The following STK39 variants were observed in gnomAD, a reference collection of about 807,000 sequenced individuals.
STK39 encodes the protein STE20/SPS1-related proline-alanine-rich protein kinase.
In STK39, 20 loss-of-function variants were observed where a neutral mutation model predicts 77.8. The ratio of observed to expected loss-of-function variants is 0.26; its 90% confidence interval spans 0.18 to 0.37. STK39 has a LOEUF of 0.37. Among genes scored for constraint, STK39 ranks in the 10% least tolerant of loss-of-function variants. STK39 has a pLI of 1.00. For missense variants in STK39, 479 were observed against 656.5 expected, an observed-to-expected ratio of 0.73 and a Z score of 2.95; for synonymous variants, 246 against 234.1, an observed-to-expected ratio of 1.05 and a Z score of -0.47.
intron 10 of STK39, among the ~76,000 whole-genome samples, chr2:168,087,149 T>C (rs1334065008): frequency 6.6e-6 from 1 of 152,102 alleles, no homozygotes; most frequent in African/African-American, 2.4e-5. Flanking sequence ...AGAAACCAAA[T>C]GTTTGGCTCC....
chr2:168,247,465 C>T lies in STK39; in HGVS notation c.-30G>A. The T allele has an allele frequency of 1.5e-6, 2 of 1,305,464 alleles. No individual in the cohort carries two copies. Among genetic ancestry groups the T allele is most frequent in the Non-Finnish European group, 2.0e-6 (2 of 1,012,934 alleles). 80.9% of individuals were successfully genotyped at this position (1,305,464 alleles called of 1,614,324 possible). On this transcript the variant is annotated 5_prime_UTR_variant, in exon 1 of 18. Transcript: ENST00000355999. ...CTGCGGAGGAGAGCAGGAGGACGCG[C>T]CGGCCGACGGACGACCTTCCACTTG...
At chr2:167,957,233 T>C (rs1691811017) in intron 17 of STK39, among the ~76,000 whole-genome samples, 1 of 152,218 alleles carries the variant, frequency 6.6e-6, no homozygotes, top group South Asian at 2.1e-4. Flanking sequence ...AAAATATTAA[T>C]CAGTATTTAA....
At chr2:168,085,664 G>A (rs1227399656) in intron 10 of STK39, among the ~76,000 whole-genome samples, 1 of 152,208 alleles carries the variant, frequency 6.6e-6, no homozygotes, top group Non-Finnish European at 1.5e-5. Flanking sequence ...GATGTAAGTT[G>A]TTGTGGCCAG....
At chr2:168,134,733 T>C (rs1687788447) in intron 8 of STK39, among the ~76,000 whole-genome samples, 1 of 152,138 alleles carries the variant, frequency 6.6e-6, no homozygotes, top group African/African-American at 2.4e-5. Flanking sequence ...TGAGCTCTCA[T>C]CGTTGACAAA....
At chr2:168,005,102 T>C (rs1684096577) in intron 16 of STK39, among the ~76,000 whole-genome samples, 1 of 146,824 alleles carries the variant, frequency 6.8e-6, no homozygotes, top group South Asian at 2.2e-4. Context: ...GCCTCCCAGG[T>C]TCAAGCAATT....
At chr2:168,241,347 C>T (rs1241599196) in intron 1 of STK39, among the ~76,000 whole-genome samples, 1 of 152,182 alleles carries the variant, frequency 6.6e-6, no homozygotes, top group African/African-American at 2.4e-5. Context: ...TCCGGGCAAA[C>T]TCAGAGGTGG....
Position 168,244,722 on chromosome 2 carries a change from T to A in STK39, c.208+2506A>T, listed in dbSNP as rs1690855199. Among the ~76,000 whole-genome samples, 3 of 152,324 alleles carry A rather than the reference T, an allele frequency of 2.0e-5. No individual in the cohort carries two copies. In the South Asian group the frequency reaches 6.2e-4, roughly 32 times the overall value. On this transcript the variant is annotated intron_variant, in intron 1 of 17. Coordinates refer to ENST00000355999, the MANE Select transcript of STK39 (RefSeq NM_013233.3). ...CTATTCCAGCAATTTGATTTTTCAA[T>A]AACAGGGCCTCCACACAGGCCAACT... is the stretch of plus-strand genomic sequence containing the variant.
At chr2:168,184,580 G>T (rs1480245460) in intron 1 of STK39, among the ~76,000 whole-genome samples, 2 of 152,164 alleles carry the variant, frequency 1.3e-5, no homozygotes, top group Non-Finnish European at 2.9e-5. Context: ...GAAGGATAGG[G>T]ATGTGTTTCC....
chr2:168,096,394 G>A (rs1284065053), intron 10 of STK39, among the ~76,000 whole-genome samples: 1 of 152,082 alleles, frequency 6.6e-6, no homozygotes, highest in African/African-American at 2.4e-5. Flanking sequence ...TGTAACACAC[G>A]GTGATAATAC....
intron 2 of STK39, among the ~76,000 whole-genome samples, chr2:168,175,500 A>G (rs896483119): frequency 1.3e-5 from 2 of 152,256 alleles, no homozygotes; most frequent in Admixed American, 1.3e-4. Context: ...AGTAAATTCA[A>G]TTAGTATATT....
rs1055581338 is a variant in STK39 at position 168,237,911 on chromosome 2, T to C, written c.208+9317A>G. 2.2e-4 allele frequency among the ~76,000 whole-genome samples: 33 copies of C among 152,124 alleles called. 1 individual carries two copies. The highest frequency in any genetic ancestry group is 4.6e-4 in the Non-Finnish European group (31 of 68,018). Reference sequence around the variant, plus strand: ...GTCTGCTGCTCCTCTTCCTTTGCTTTCTTGAGTCACCCCATAATTAAACAA... The same window carrying C: ...GTCTGCTGCTCCTCTTCCTTTGCTTCCTTGAGTCACCCCATAATTAAACAA... On this transcript the variant is annotated intron_variant, in intron 1 of 17. Coordinates refer to ENST00000355999, the MANE Select transcript of STK39 (RefSeq NM_013233.3).
At chr2:168,002,698 G>T (rs1574382588) in intron 16 of STK39, among the ~76,000 whole-genome samples, 1 of 152,180 alleles carries the variant, frequency 6.6e-6, no homozygotes, top group East Asian at 1.9e-4. Context: ...GTCAAAGCAA[G>T]AATTCTATGC....
At position 168,247,529 on chromosome 2, in the gene STK39, C is replaced by A; in HGVS notation, c.-94G>T. On this transcript the variant is annotated 5_prime_UTR_variant, in exon 1 of 18. Coordinates refer to ENST00000355999, the MANE Select transcript of STK39 (RefSeq NM_013233.3). The stretch of plus-strand genomic sequence containing the variant: ...CTCGCCGCCGACACCTCTCGGCCGG[C>A]GCACGCCCTCCCCGCCCGCCGCCGC... 1.1e-6 allele frequency: 1 copy of A among 911,974 alleles called. No individual in the cohort carries two copies. The highest frequency in any genetic ancestry group is 1.3e-6 in the Non-Finnish European group (1 of 752,912). The allele number at this position is 911,974 out of a possible 1,614,324, so 56.5% of individuals were successfully genotyped here. A position where few individuals can be genotyped will look rare whatever the true frequency, so the allele number is the denominator to read the frequency against.
rs535737760 is a variant in STK39, at chr2:168,029,992, G to C, written c.1377-12897C>G. Among the ~76,000 whole-genome samples the C allele has an allele frequency of 2.7e-3, 417 of 152,266 alleles. 2 individuals are homozygous for C. Among genetic ancestry groups the C allele is most frequent in the African/African-American group, 9.4e-3 (391 of 41,548 alleles). ...GCGGTGGCTCATGCCTGTAATCCAAGCACTTTGGGAGGCCGAGGTGGGCGG... is the reference window on the plus strand; with the variant it reads ...GCGGTGGCTCATGCCTGTAATCCAACCACTTTGGGAGGCCGAGGTGGGCGG... On this transcript the variant is annotated intron_variant, in intron 14 of 17. Transcript: ENST00000355999.
intron 16 of STK39, among the ~76,000 whole-genome samples, chr2:167,996,344 T>A (rs77069375): frequency 0.014 from 2,106 of 152,330 alleles, 51 homozygotes; most frequent in African/African-American, 0.047. Flanking sequence ...ATCCTGGTTA[T>A]TTTTTGCAGA....
At chr2:168,142,081 C>T (rs932251722) in intron 5 of STK39, among the ~76,000 whole-genome samples, 1 of 152,200 alleles carries the variant, frequency 6.6e-6, no homozygotes, top group Admixed American at 6.5e-5. Flanking sequence ...TATGTTTAAA[C>T]TGCTAAATAA....
chr2:167,973,368 G>C (rs938501073), intron 16 of STK39, among the ~76,000 whole-genome samples: 1 of 152,146 alleles, frequency 6.6e-6, no homozygotes, highest in Non-Finnish European at 1.5e-5. Flanking sequence ...TTCTAGATAA[G>C]GCCTGAGGAC....
chr2:168,215,958 TAGCATCTCTA>T (rs1690014994), intron 1 of STK39, among the ~76,000 whole-genome samples: 2 of 152,184 alleles, frequency 1.3e-5, no homozygotes, highest in Non-Finnish European at 2.9e-5. Flanking sequence ...AAGGATGCTC[TAGCATCTCTA>T]AGGACTGGGC....
chr2:168,099,566 C>A (rs949402409), intron 10 of STK39, among the ~76,000 whole-genome samples: 3 of 152,160 alleles, frequency 2.0e-5, no homozygotes, highest in African/African-American at 7.2e-5. Context: ...TCAGCTGTAC[C>A]TATAGGGGAC....
Sources: gnomAD v4.1 joint callset for allele counts (sites outside exome capture counted in the v4.1 genomes callset) on GRCh38, gnomAD v4.1.1 for gene constraint, MANE v1.5 for transcripts, NCBI Gene and HGNC (gene_info 2026-07-23, HGNC 2026-07-21) for gene names.